ADAMTSL1: variants seen among roughly 807,000 people sequenced by gnomAD.
ADAMTSL1 encodes ADAMTS-like protein 1.
A neutral mutation model predicts 201.8 loss-of-function variants in ADAMTSL1; 126 were observed. That is an observed-to-expected ratio of 0.62 (90% CI 0.54 to 0.72). The LOEUF (loss-of-function observed/expected upper bound fraction) is 0.72. Ranked by LOEUF, ADAMTSL1 falls within the 30% of genes least tolerant of loss-of-function variation. The probability of loss-of-function intolerance (pLI) is 0.00; values close to 1 mark genes in which losing one functional copy is unlikely to be tolerated. For missense variants in ADAMTSL1, 2,679 were observed against 2,277.8 expected (o/e 1.18, Z -3.59); for synonymous variants, 1,121 against 903.4 (o/e 1.24, Z -4.32).
At chr9:18,570,450 C>G (rs958053343) in intron 3 of ADAMTSL1, among the ~76,000 whole-genome samples, 2 of 152,154 alleles carry the variant, frequency 1.3e-5, no homozygotes, top group African/African-American at 2.4e-5. Flanking sequence ...ATGTCTTAAA[C>G]TATGCTTGAA....
chr9:18,352,111 C>T (rs991883917), intron 2 of ADAMTSL1, among the ~76,000 whole-genome samples: 1 of 151,892 alleles, frequency 6.6e-6, no homozygotes, highest in Non-Finnish European at 1.5e-5. Flanking sequence ...TAGATGTATT[C>T]TTTGTTCTTA....
intron 1 of ADAMTSL1, among the ~76,000 whole-genome samples, chr9:17,914,610 A>C (rs1022560733): frequency 6.6e-6 from 1 of 151,500 alleles, no homozygotes; most frequent in African/African-American, 2.4e-5. Context: ...GAAAACTGGC[A>C]CAAGACAGGG....
chr9:18,377,941 T>C (rs1047756924), intron 2 of ADAMTSL1, among the ~76,000 whole-genome samples: 1 of 152,120 alleles, frequency 6.6e-6, no homozygotes, highest in African/African-American at 2.4e-5. Context: ...ATTCTGTCTC[T>C]ATACTCATAA....
chr9:18,407,344 T>C (rs550694872), intron 2 of ADAMTSL1, among the ~76,000 whole-genome samples: 1 of 152,286 alleles, frequency 6.6e-6, no homozygotes, highest in Admixed American at 6.5e-5. Context: ...GGGAACATGG[T>C]ACATTTATCA....
chr9:18,272,495 A>AT (rs1832415323), intron 2 of ADAMTSL1, among the ~76,000 whole-genome samples: 1 of 152,232 alleles, frequency 6.6e-6, no homozygotes. Context: ...ACCTAAAACC[A>AT]TAAAAACCCT....
At chr9:18,908,387 C>T (rs1235521707) in intron 28 of ADAMTSL1, 55 bp from the exon 29 acceptor site, 2 of 1,445,554 alleles carry the variant, frequency 1.4e-6, no homozygotes, top group African/African-American at 1.4e-5. Flanking sequence ...GTTCATTAGT[C>T]TCTGTTTCAC....
intron 1 of ADAMTSL1, among the ~76,000 whole-genome samples, chr9:18,012,432 T>C (rs774737965): frequency 2.7e-4 from 41 of 152,068 alleles, no homozygotes; most frequent in Non-Finnish European, 5.0e-4. Context: ...TTATGAAGCA[T>C]TAGCTGTAGG....
chr9:18,048,805 C>A (rs768898151), intron 1 of ADAMTSL1, among the ~76,000 whole-genome samples: 4 of 152,124 alleles, frequency 2.6e-5, no homozygotes, highest in Admixed American at 6.5e-5. Context: ...ACTGTCCAGC[C>A]CCAGACAGTC....
In ADAMTSL1 at chr9:18,178,968, G is replaced by A. The variant is rs1415926505; in HGVS notation, c.207+14987G>A. On this transcript the variant is annotated intron_variant, in intron 2 of 29. Coordinates refer to the ADAMTSL1 transcript ENST00000680146. The stretch of plus-strand genomic sequence containing the variant: ...AACTGGAAACTCTAAAAAGCAGAGC[G>A]CCTCTCCTCCTCCAAAGGAACGCAG... 4.3e-3 allele frequency among the ~76,000 whole-genome samples: 659 copies of A among 152,262 alleles called. 3 individuals are homozygous for A. Among genetic ancestry groups the A allele is most frequent in the African/African-American group, 0.015 (619 of 41,552 alleles).
At chr9:18,273,747 C>G (rs1402283758) in intron 2 of ADAMTSL1, among the ~76,000 whole-genome samples, 1 of 152,182 alleles carries the variant, frequency 6.6e-6, no homozygotes, top group Non-Finnish European at 1.5e-5. Flanking sequence ...TCAACTTCAT[C>G]CAGTTCCTTG....
chr9:18,806,419 G>A (rs1236061523), intron 20 of ADAMTSL1, among the ~76,000 whole-genome samples: 35 of 152,148 alleles, frequency 2.3e-4, no homozygotes, highest in Non-Finnish European at 1.5e-5. Context: ...AAAGGGTTTG[G>A]CTGATAGCAA....
At chr9:18,604,800 G>C (rs1250317353) in intron 4 of ADAMTSL1, among the ~76,000 whole-genome samples, 1 of 152,038 alleles carries the variant, frequency 6.6e-6, no homozygotes, top group African/African-American at 2.4e-5. Flanking sequence ...AGAATCACGT[G>C]GTAATTGCAT....
chr9:18,304,550 A>T (rs900037908), intron 2 of ADAMTSL1, among the ~76,000 whole-genome samples: 1 of 152,076 alleles, frequency 6.6e-6, no homozygotes, highest in Non-Finnish European at 1.5e-5. Context: ...TTAAAAACAT[A>T]TATAAGCGTG....
intron 23 of ADAMTSL1, among the ~76,000 whole-genome samples, chr9:18,848,331 C>T (rs73423125): frequency 0.036 from 5,413 of 152,302 alleles, 315 homozygotes; most frequent in African/African-American, 0.12. Context: ...ACTTCTCCGT[C>T]TTCTACAACC....
intron 4 of ADAMTSL1, among the ~76,000 whole-genome samples, chr9:18,600,299 C>G (rs76963841): frequency 6.6e-6 from 1 of 152,022 alleles, no homozygotes; most frequent in Non-Finnish European, 1.5e-5. Flanking sequence ...CCAGACACTC[C>G]CAAGTACTTA....
At chr9:18,266,607 A>T (rs1319750040) in intron 2 of ADAMTSL1, among the ~76,000 whole-genome samples, 1 of 152,156 alleles carries the variant, frequency 6.6e-6, no homozygotes, top group Non-Finnish European at 1.5e-5. Context: ...AGTTTTCAGA[A>T]ATATAAAGCC....
At chr9:18,885,143 C>T (rs893094974) in intron 23 of ADAMTSL1, among the ~76,000 whole-genome samples, 1 of 152,292 alleles carries the variant, frequency 6.6e-6, no homozygotes, top group Middle Eastern at 3.4e-3. Flanking sequence ...ATACCTGAGA[C>T]TAGGTAATTT....
chr9:18,055,987 A>T (rs1822163763), intron 1 of ADAMTSL1, among the ~76,000 whole-genome samples: 2 of 152,208 alleles, frequency 1.3e-5, no homozygotes, highest in African/African-American at 4.8e-5. Context: ...TTTTTTGAAA[A>T]TTATACTGCC....
chr9:18,737,243 C>T (rs557041578), intron 15 of ADAMTSL1, among the ~76,000 whole-genome samples: 31 of 136,952 alleles, frequency 2.3e-4, no homozygotes, highest in East Asian at 1.2e-3. Flanking sequence ...CACTTGAACC[C>T]GGGAGGTGGA....
Sources: gnomAD v4.1 joint callset for allele counts (sites outside exome capture counted in the v4.1 genomes callset) on GRCh38, gnomAD v4.1.1 for gene constraint, MANE v1.5 for transcripts, NCBI Gene and HGNC (gene_info 2026-07-23, HGNC 2026-07-21) for gene names.